The following ARID1A variants were observed in gnomAD, a reference collection of about 807,000 sequenced individuals.
ARID1A encodes the protein AT-rich interaction domain 1A.
ARID1A carries 20 observed loss-of-function variants against 212.6 expected under a neutral mutation model. That is an observed-to-expected ratio of 0.09 (90% CI 0.07 to 0.14). ARID1A has a LOEUF of 0.14. ARID1A is among the 10% of genes least tolerant of loss of function. ARID1A has a pLI of 1.00. For synonymous variants in ARID1A, 1,376 were observed against 1,222.1 expected (o/e 1.13, Z -2.63); for missense variants, 2,587 against 3,059.0 (o/e 0.85, Z 3.64).
chr1:26,738,837 G>A (rs964845724), intron 4 of ARID1A, among the ~76,000 whole-genome samples: 1 of 151,184 alleles, frequency 6.6e-6, no homozygotes, highest in African/African-American at 2.4e-5. Flanking sequence ...GGGATTATAG[G>A]CGTCAGCCAC....
rs2081127574 is a variant in ARID1A at position 26,775,596 on chromosome 1, G to A, written c.5013G>A (p.Arg1671=). The A allele has an allele frequency of 6.2e-7, 1 of 1,613,986 alleles. No individual in the cohort carries two copies. Among genetic ancestry groups the A allele is most frequent in the East Asian group, 2.2e-5 (1 of 44,894 alleles). The change falls in exon 19 of 20, where the codon CGG becomes CGA. Residue 1671 remains arginine (R), a synonymous_variant. Coordinates refer to ENST00000324856, the MANE Select transcript of ARID1A (RefSeq NM_006015.6). ...MKDIGTPEAW[R]VMMSLKSGLL... ...TTTCAGGAACCCCGGAGGCATGGCG[G>A]GTAATGATGTCCCTCAAGTCTGGTC...
At chr1:26,735,265 A>AG (rs1253268224) in intron 4 of ARID1A, among the ~76,000 whole-genome samples, 21 of 151,572 alleles carry the variant, frequency 1.4e-4, no homozygotes, top group African/African-American at 4.9e-4. Flanking sequence ...AGCTGGGTTT[A>AG]CAGGTGCTCG....
chr1:26,706,235 T>C (rs1461343717), intron 1 of ARID1A, among the ~76,000 whole-genome samples: 1 of 152,198 alleles, frequency 6.6e-6, no homozygotes, highest in East Asian at 1.9e-4. Context: ...GATATTAGAC[T>C]TCCTCCTCCC....
chr1:26,718,718 A>G (rs976239345), intron 1 of ARID1A, among the ~76,000 whole-genome samples: 32 of 152,190 alleles, frequency 2.1e-4, no homozygotes, highest in Non-Finnish European at 2.5e-4. Flanking sequence ...ACAAGAAAAA[A>G]AGTGTACACA....
Position 26,771,451 on chromosome 1 carries a change from A to G in ARID1A, c.3406+125A>G, listed in dbSNP as rs2081082062. ...AAGGATCTGTGCTCTGCCTTGCCCTACCACAGGGCTTAACAGGTTGGCTGA... is the reference window on the plus strand; with the variant it reads ...AAGGATCTGTGCTCTGCCTTGCCCTGCCACAGGGCTTAACAGGTTGGCTGA... On this transcript the variant is annotated intron_variant, in intron 12 of 19. Transcript: ENST00000324856. The surrounding 1 kb of genome is among the most constrained non-coding windows in gnomAD (Gnocchi z 5.4). 17 of 1,065,938 alleles carry G rather than the reference A, an allele frequency of 1.6e-5. No individual in the cohort carries two copies. The South Asian group carries it at 2.7e-4, about 17-fold the overall frequency. The allele number at this position is 1,065,938 out of a possible 1,614,324, so 66.0% of individuals were successfully genotyped here. A position where few individuals can be genotyped will look rare whatever the true frequency, so the allele number is the denominator to read the frequency against.
Position 26,772,798 on chromosome 1 carries a change from T to C in ARID1A, c.3540-14T>C, listed in dbSNP as rs2081095444. 12 of 1,611,130 alleles carry C rather than the reference T, an allele frequency of 7.4e-6. No homozygotes were observed. The East Asian group carries it at 2.7e-4, about 36-fold the overall frequency. ...GGTTTATTTGTGGTTTACTTGGTTT[T>C]CCTCACTCTGGAGCAGGAGCAATTC... On this transcript the variant is annotated splice_polypyrimidine_tract_variant and intron_variant, in intron 13 of 19. Transcript: ENST00000324856.
chr1:26,735,336 A>G (rs1295470964), intron 4 of ARID1A, among the ~76,000 whole-genome samples: 1 of 152,148 alleles, frequency 6.6e-6, no homozygotes, highest in Non-Finnish European at 1.5e-5. Flanking sequence ...TCTGTTGCCC[A>G]GGCTGGAGTG....
Position 26,749,830 on chromosome 1 carries a change from A to G in ARID1A, c.1921-11026A>G, listed in dbSNP as rs1015524753. Among the ~76,000 whole-genome samples, 9 of 152,200 alleles carry G rather than the reference A, an allele frequency of 5.9e-5. 1 individual carries two copies. The highest frequency in any genetic ancestry group is 2.2e-4 in the African/African-American group (9 of 41,432). Reference sequence around the variant, plus strand: ...TGTACTTCTGAGTTTTAAACAGGAGAATCAATTCTCTTGATACCAGCACCC... The same window carrying G: ...TGTACTTCTGAGTTTTAAACAGGAGGATCAATTCTCTTGATACCAGCACCC... On this transcript the variant is annotated intron_variant, in intron 4 of 19. Coordinates refer to ENST00000324856, the MANE Select transcript of ARID1A (RefSeq NM_006015.6).
In ARID1A at chr1:26,729,676, G is replaced by A. The variant is rs1231021260; in HGVS notation, c.1163G>A (p.Gly388Asp). 5 of 1,614,122 alleles carry A rather than the reference G, an allele frequency of 3.1e-6. No individual in the cohort carries two copies. Among genetic ancestry groups the A allele is most frequent in the Non-Finnish European group, 4.2e-6 (5 of 1,180,056 alleles). Residue 388 changes from glycine (G) to aspartate (D), a missense_variant, in exon 2 of 20, where the codon GGC (glycine) becomes GAC (aspartate). Transcript: ENST00000324856. ...PQPSSPMDQMGKMRPQPYGGT... is the reference protein window; with the variant it reads ...PQPSSPMDQMDKMRPQPYGGT... ...CCATCCAGTCCAATGGATCAGATGGGCAAGATGAGACCTCAGCCATATGGC... is the reference window on the plus strand; with the variant it reads ...CCATCCAGTCCAATGGATCAGATGGACAAGATGAGACCTCAGCCATATGGC...
intron 1 of ARID1A, among the ~76,000 whole-genome samples, chr1:26,697,910 A>C (rs529981701): frequency 2.0e-5 from 3 of 152,134 alleles, no homozygotes; most frequent in African/African-American, 7.2e-5. Flanking sequence ...GTAGGAGCCC[A>C]GGAGTTGAAT....
rs200313047 is a variant in ARID1A, at chr1:26,774,757, C to T, written c.4530C>T (p.Asn1510=). The T allele has an allele frequency of 1.4e-5, 22 of 1,614,272 alleles. No individual in the cohort carries two copies. The African/African-American group carries it at 1.6e-4, about 12-fold the overall frequency. The stretch of plus-strand genomic sequence containing the variant: ...ATGACATGACCTATAATTATGCCAA[C>T]AGGCAGAGCACGGGCTCTGCCCCCC... ...GRNDMTYNYA[N]RQSTGSAPQG... is the part of the protein sequence containing the mutation. Residue 1510 remains asparagine (N), a synonymous_variant, in exon 18 of 20, where the codon AAC becomes AAT. Transcript: ENST00000324856. This position sits in a 1 kb window ranked among gnomAD's most constrained non-coding sequence, Gnocchi z 5.6.
intron 1 of ARID1A, among the ~76,000 whole-genome samples, chr1:26,713,846 A>G (rs982575475): frequency 1.3e-5 from 2 of 152,108 alleles, no homozygotes; most frequent in Admixed American, 6.5e-5. Flanking sequence ...GATTTGTAAC[A>G]TTGTTTTTCT....
chr1:26,714,916 G>C (rs1230191857), intron 1 of ARID1A, among the ~76,000 whole-genome samples: 1 of 152,160 alleles, frequency 6.6e-6, no homozygotes, highest in Admixed American at 6.5e-5. Context: ...TACAGTACTT[G>C]ATTGGATTGA....
At chr1:26,720,570 T>C (rs2080553114) in intron 1 of ARID1A, among the ~76,000 whole-genome samples, 1 of 151,970 alleles carries the variant, frequency 6.6e-6, no homozygotes, top group Non-Finnish European at 1.5e-5. Flanking sequence ...TACGAGACTC[T>C]CTTAAGATTA....
chr1:26,704,986 G>C (rs369297585), intron 1 of ARID1A, among the ~76,000 whole-genome samples: 6 of 152,116 alleles, frequency 3.9e-5, no homozygotes, highest in African/African-American at 1.2e-4. Context: ...TTACCTGCTG[G>C]TCGATCTGTG....
rs1438830885 is a variant in ARID1A, at chr1:26,697,428, C to T, written c.1025C>T (p.Ala342Val). 2 of 1,349,448 alleles carry T rather than the reference C, an allele frequency of 1.5e-6. No individual in the cohort carries two copies. The highest frequency in any genetic ancestry group is 1.9e-6 in the Non-Finnish European group (2 of 1,061,548). The allele number at this position is 1,349,448 out of a possible 1,614,324, so 83.6% of individuals were successfully genotyped here. A position where few individuals can be genotyped will look rare whatever the true frequency, so the allele number is the denominator to read the frequency against. The change falls in exon 1 of 20, where the codon GCG (alanine) becomes GTG (valine). Residue 342 changes from alanine (A) to valine (V), a missense_variant. By Grantham distance (64) the Ala-to-Val change is moderately conservative. This residue lies in a region of ARID1A where 735 missense variants were observed against 590.6 expected (regional missense o/e 1.24). Coordinates refer to ENST00000324856, the MANE Select transcript of ARID1A (RefSeq NM_006015.6). ...TCGCAGTGTTGGGGGGCTGCGGCGGCGGCAGCTGCGGCGGCGGCCGCCTCG... is the reference window on the plus strand; with the variant it reads ...TCGCAGTGTTGGGGGGCTGCGGCGGTGGCAGCTGCGGCGGCGGCCGCCTCG... ...MASQCWGAAA[A>V]AAAAAAASGG...
Position 26,774,305 on chromosome 1 carries a change from C to G in ARID1A, c.4102-24C>G, listed in dbSNP as rs781292240. On this transcript the variant is annotated intron_variant, in intron 17 of 19. Transcript: ENST00000324856. The surrounding 1 kb of genome is among the most constrained non-coding windows in gnomAD (Gnocchi z 5.6). ...GTCCCTGAGTGCAGAGTATTAACTT[C>G]CCCTCTGCTTGTCTCTGCCTTAGAA... is the stretch of plus-strand genomic sequence containing the variant. 6.6e-7 allele frequency: 1 copy of G among 1,521,728 alleles called. No homozygotes were observed. The highest frequency in any genetic ancestry group is 2.3e-5 in the East Asian group (1 of 44,036). The allele number at this position is 1,521,728 out of a possible 1,614,324, so 94.3% of individuals were successfully genotyped here.
intron 4 of ARID1A, among the ~76,000 whole-genome samples, chr1:26,758,037 G>A (rs1043735641): frequency 4.6e-5 from 7 of 152,148 alleles, no homozygotes; most frequent in African/African-American, 1.7e-4. Flanking sequence ...TCTTTTTCCT[G>A]TAAGCAGGAA....
rs1387164780 is a variant in ARID1A, at chr1:26,724,881, T to C, written c.1138-4770T>C. ...CTTTGATGCCCCTAAACTGCATCTT[T>C]TGATACATTTCATTTGGCAGGCAGT... On this transcript the variant is annotated intron_variant, in intron 1 of 19. Coordinates refer to ENST00000324856, the MANE Select transcript of ARID1A (RefSeq NM_006015.6). Among the ~76,000 whole-genome samples, 3 of 152,238 alleles carry C rather than the reference T, an allele frequency of 2.0e-5. No homozygotes were observed. The East Asian group carries it at 5.8e-4, about 29-fold the overall frequency.
Sources: allele counts gnomAD v4.1 joint callset (sites outside exome capture counted in the v4.1 genomes callset), GRCh38; gene constraint gnomAD v4.1.1; regional missense constraint gnomAD v4.1.1; non-coding constraint Gnocchi (gnomAD v3.1); transcripts MANE v1.5; gene names NCBI Gene and HGNC (gene_info 2026-07-23, HGNC 2026-07-21).